Variants in ADGRL3 observed in about 807,000 individuals in gnomAD.
The protein encoded by ADGRL3 is adhesion G protein-coupled receptor L3.
In ADGRL3, 62 loss-of-function variants were observed where a neutral mutation model predicts 153.5. The ratio of observed to expected loss-of-function variants is 0.40; its 90% CI spans 0.33 to 0.50. The LOEUF (loss-of-function observed/expected upper bound fraction) is 0.50, where lower values mean the gene tolerates loss of function less well. ADGRL3 is among the 20% of genes least tolerant of loss of function. The probability of loss-of-function intolerance (pLI) is 0.47; values close to 1 mark genes in which losing one functional copy is unlikely to be tolerated. For missense variants in ADGRL3, 1,641 were observed against 1,859.4 expected (o/e 0.88, Z 2.16); for synonymous variants, 710 against 672.5 (o/e 1.06, Z -0.86).
At chr4:61,744,075 C>G in intron 8 of ADGRL3, among the ~76,000 whole-genome samples, 1 of 152,302 alleles carries the variant, frequency 6.6e-6, no homozygotes, top group East Asian at 1.9e-4. Flanking sequence ...GCACCTGGCT[C>G]GGAGGGTCCT....
At chr4:61,993,929 CA>C (rs564439613) in intron 19 of ADGRL3, among the ~76,000 whole-genome samples, 1 of 151,908 alleles carries the variant, frequency 6.6e-6, no homozygotes, top group Non-Finnish European at 1.5e-5. Flanking sequence ...ACTAATTATC[CA>C]AAAAAACCAA....
intron 1 of ADGRL3, among the ~76,000 whole-genome samples, chr4:61,217,290 G>T (rs1743243047): frequency 6.6e-6 from 1 of 152,190 alleles, no homozygotes. Context: ...GAGCTGGGTG[G>T]TGAGTGGGAT....
intron 8 of ADGRL3, among the ~76,000 whole-genome samples, chr4:61,761,203 C>T (rs572633800): frequency 6.6e-6 from 1 of 152,286 alleles, no homozygotes; most frequent in East Asian, 1.9e-4. Flanking sequence ...GACTCCTAAA[C>T]CATAATTTCT....
At chr4:61,366,053 T>C (rs2096389960) in intron 1 of ADGRL3, among the ~76,000 whole-genome samples, 6 of 152,186 alleles carry the variant, frequency 3.9e-5, no homozygotes, top group Admixed American at 3.9e-4. Context: ...AGATAAATGT[T>C]TAGGTATTCT....
chr4:61,799,009 A>G (rs1471510737), intron 8 of ADGRL3, among the ~76,000 whole-genome samples: 1 of 97,848 alleles, frequency 1.0e-5, no homozygotes, highest in African/African-American at 3.9e-5. Flanking sequence ...GTATATATAT[A>G]TATATATATA....
chr4:61,739,721 C>G (rs1373760728), intron 8 of ADGRL3, among the ~76,000 whole-genome samples: 1 of 152,162 alleles, frequency 6.6e-6, no homozygotes, highest in Non-Finnish European at 1.5e-5. Flanking sequence ...AGTCACTCCC[C>G]CCACCCTGTA....
At chr4:61,392,222 T>C (rs1302753301) in intron 2 of ADGRL3, among the ~76,000 whole-genome samples, 1 of 152,026 alleles carries the variant, frequency 6.6e-6, no homozygotes, top group Non-Finnish European at 1.5e-5. Context: ...CTTTTCTTTA[T>C]GAGTTTTGTC....
Position 62,070,347 on chromosome 4 carries a change from G to A in ADGRL3, c.4071G>A (p.Arg1357=). 6.4e-7 allele frequency: 1 copy of A among 1,552,322 alleles called. No homozygotes were observed. The highest frequency in any genetic ancestry group is 8.7e-7 in the Non-Finnish European group (1 of 1,147,226). Residue 1357 remains arginine, a synonymous_variant, in exon 27 of 27, where the codon AGG becomes AGA. Transcript: ENST00000683033. The stretch of plus-strand genomic sequence containing the variant: ...ATGAGCGCTCCAGTGAACAGAACAG[G>A]AATCTGATGAACAAGCTGGTGAATA... The part of the protein sequence containing the change: ...NNHERSSEQN[R]NLMNKLVNNL...
rs895838081 is a variant in ADGRL3, at chr4:62,075,965, T to G, written c.*5057T>G. 1 of 152,140 alleles carries G rather than the reference T, an allele frequency of 6.6e-6. No individual in the cohort carries two copies. The highest frequency in any genetic ancestry group is 1.5e-5 in the Non-Finnish European group (1 of 68,004). 9.4% of individuals were successfully genotyped at this position (152,140 alleles called of 1,614,324 possible). ...AAGAAGAAACTTTCCTATTTACTAA[T>G]TAACACTGATTACACTCTCTTTGGT... On this transcript the variant is annotated 3_prime_UTR_variant, in exon 27 of 27. Coordinates refer to ENST00000683033, the MANE Select transcript of ADGRL3 (RefSeq NM_001387552.1).
At chr4:61,625,800 A>C (rs2149920734) in intron 5 of ADGRL3, among the ~76,000 whole-genome samples, 1 of 152,246 alleles carries the variant, frequency 6.6e-6, no homozygotes, top group Non-Finnish European at 1.5e-5. Flanking sequence ...GGAGGAATAA[A>C]GATGAACAGA....
intron 19 of ADGRL3, 124 bp downstream of exon 19, chr4:61,983,727 A>G (rs958127674): frequency 2.4e-5 from 19 of 776,820 alleles, no homozygotes; most frequent in Non-Finnish European, 3.7e-5. Context: ...GTATAATTCA[A>G]TCCATGGTTA....
At chr4:61,953,483 C>T (rs1197636889) in intron 17 of ADGRL3, among the ~76,000 whole-genome samples, 5 of 152,122 alleles carry the variant, frequency 3.3e-5, no homozygotes, top group Non-Finnish European at 7.4e-5. Flanking sequence ...TTAAGATAAA[C>T]ATCATAAAGA....
At chr4:61,736,930 G>T (rs1020487112) in intron 8 of ADGRL3, among the ~76,000 whole-genome samples, 11 of 152,176 alleles carry the variant, frequency 7.2e-5, no homozygotes, top group African/African-American at 2.7e-4. Context: ...CAGTTTAGAG[G>T]TGGAAAGAAT....
chr4:61,801,127 G>A (rs549412460), intron 8 of ADGRL3, among the ~76,000 whole-genome samples: 6 of 152,246 alleles, frequency 3.9e-5, no homozygotes, highest in Non-Finnish European at 5.9e-5. Flanking sequence ...GGGTGAAAAC[G>A]TCATGGCTCT....
At chr4:61,223,996 G>C (rs1391447221) in intron 1 of ADGRL3, among the ~76,000 whole-genome samples, 2 of 150,786 alleles carry the variant, frequency 1.3e-5, no homozygotes, top group African/African-American at 4.9e-5. Flanking sequence ...TTTCTGTATT[G>C]GTAAATTAGA....
chr4:61,268,158 G>C (rs1353126311), intron 1 of ADGRL3, among the ~76,000 whole-genome samples: 2 of 151,398 alleles, frequency 1.3e-5, no homozygotes, highest in African/African-American at 4.8e-5. Flanking sequence ...ATTACTAACT[G>C]ACCAAAACAA....
chr4:61,736,524 G>C (rs2096516803), intron 8 of ADGRL3, among the ~76,000 whole-genome samples: 1 of 152,136 alleles, frequency 6.6e-6, no homozygotes, highest in Non-Finnish European at 1.5e-5. Flanking sequence ...CTGGTGTGGT[G>C]GTGGGTGCCT....
intron 5 of ADGRL3, among the ~76,000 whole-genome samples, chr4:61,630,465 T>C (rs1266987769): frequency 6.6e-6 from 1 of 152,220 alleles, no homozygotes; most frequent in African/African-American, 2.4e-5. Flanking sequence ...TGTAAAGATA[T>C]CAAGGAGTCA....
At chr4:61,534,144 A>G (rs1411480687) in intron 4 of ADGRL3, among the ~76,000 whole-genome samples, 3 of 152,166 alleles carry the variant, frequency 2.0e-5, no homozygotes, top group South Asian at 4.1e-4. Flanking sequence ...ATAGGGGCCC[A>G]GTTTCATTTT....
Sources: allele counts gnomAD v4.1 joint callset (sites outside exome capture counted in the v4.1 genomes callset), GRCh38; gene constraint gnomAD v4.1.1; transcripts MANE v1.5; gene names NCBI Gene and HGNC (gene_info 2026-07-23, HGNC 2026-07-21).